LRCH1: variants seen among roughly 807,000 people sequenced by gnomAD.
LRCH1 encodes the protein leucine-rich repeat and calponin homology domain-containing protein 1.
A neutral mutation model predicts 94.9 loss-of-function variants in LRCH1; 23 were observed. That is an observed-to-expected ratio of 0.24 (90% CI 0.17 to 0.34). The LOEUF (loss-of-function observed/expected upper bound fraction) is 0.34. Ranked by LOEUF, LRCH1 falls within the 10% of genes least tolerant of loss-of-function variation. The pLI is 1.00. For missense variants in LRCH1, 790 were observed against 945.9 expected (o/e 0.84, Z 2.16); for synonymous variants, 364 against 354.9 (o/e 1.03, Z -0.29).
intron 2 of LRCH1, among the ~76,000 whole-genome samples, chr13:46,665,761 G>C (rs952865822): frequency 6.6e-6 from 1 of 152,164 alleles, no homozygotes; most frequent in Non-Finnish European, 1.5e-5. Flanking sequence ...TCAGCACAGA[G>C]CCAGTTTATA....
chr13:46,606,679 C>G (rs1056809058), intron 1 of LRCH1, among the ~76,000 whole-genome samples: 11 of 152,200 alleles, frequency 7.2e-5, no homozygotes, highest in African/African-American at 2.7e-4. Context: ...TCAAGCTATT[C>G]TCCCGCCTCA....
chr13:46,650,459 G>A, intron 2 of LRCH1, 114 bp downstream of exon 2: 2 of 793,220 alleles, frequency 2.5e-6, no homozygotes, highest in Non-Finnish European at 3.8e-6. Context: ...CTTTGATGTA[G>A]GTCACACACA....
At chr13:46,554,560 T>C (rs1038058506) in intron 1 of LRCH1, among the ~76,000 whole-genome samples, 1 of 152,238 alleles carries the variant, frequency 6.6e-6, no homozygotes, top group African/African-American at 2.4e-5. Flanking sequence ...GCCCGGCAAG[T>C]TGTAACTCGC....
chr13:46,737,267 A>G (rs747413619), intron 19 of LRCH1, among the ~76,000 whole-genome samples: 28 of 152,250 alleles, frequency 1.8e-4, no homozygotes, highest in Non-Finnish European at 3.7e-4. Context: ...ATTTAAAAAA[A>G]TTTGTTATGA....
chr13:46,573,286 A>C (rs2050260894), intron 1 of LRCH1, among the ~76,000 whole-genome samples: 1 of 152,172 alleles, frequency 6.6e-6, no homozygotes, highest in African/African-American at 2.4e-5. Flanking sequence ...TAAGTGAATA[A>C]ATGGCTGGAT....
intron 2 of LRCH1, among the ~76,000 whole-genome samples, chr13:46,666,666 A>G (rs940522571): frequency 2.0e-5 from 3 of 152,194 alleles, no homozygotes; most frequent in Admixed American, 1.3e-4. Flanking sequence ...TAACATTTTT[A>G]TTTGCCGATC....
chr13:46,603,105 C>G (rs1290410906), intron 1 of LRCH1, among the ~76,000 whole-genome samples: 1 of 151,862 alleles, frequency 6.6e-6, no homozygotes, highest in Non-Finnish European at 1.5e-5. Flanking sequence ...AATTTTGTGC[C>G]TCTTGTGCTT....
intron 1 of LRCH1, among the ~76,000 whole-genome samples, chr13:46,642,263 C>T (rs546219922): frequency 6.6e-6 from 1 of 152,236 alleles, no homozygotes; most frequent in South Asian, 2.1e-4. Flanking sequence ...TTTTCTTCTA[C>T]AAGCTATACC....
intron 1 of LRCH1, among the ~76,000 whole-genome samples, chr13:46,602,833 C>T (rs2050642691): frequency 6.6e-6 from 1 of 152,050 alleles, no homozygotes; most frequent in Non-Finnish European, 1.5e-5. Flanking sequence ...CCTGTAGCCC[C>T]AGCTACTGAA....
intron 11 of LRCH1, among the ~76,000 whole-genome samples, chr13:46,702,018 C>G (rs941424115): frequency 1.3e-5 from 2 of 152,134 alleles, no homozygotes. Flanking sequence ...AGAATAGTGG[C>G]GGATCAGTTT....
chr13:46,626,808 C>T (rs2050956105), intron 1 of LRCH1, among the ~76,000 whole-genome samples: 1 of 152,006 alleles, frequency 6.6e-6, no homozygotes, highest in South Asian at 2.1e-4. Flanking sequence ...AAATATATAG[C>T]CATTGATATT....
At chr13:46,750,859 A>G in exon 19 of LRCH1, 1 of 420,828 alleles carries the variant, frequency 2.4e-6, no homozygotes, top group Non-Finnish European at 4.2e-6. Flanking sequence ...TTTATCTTGA[A>G]ACCAGAGAGG....
At chr13:46,710,881 T>C (rs942092209) in intron 13 of LRCH1, among the ~76,000 whole-genome samples, 4 of 152,016 alleles carry the variant, frequency 2.6e-5, no homozygotes, top group Non-Finnish European at 5.9e-5. Flanking sequence ...GAAACTAGAG[T>C]GTGTCCCTTG....
rs748007268 is a variant in LRCH1, at chr13:46,685,963, T to G, written c.744T>G (p.Ile248Met). 1.2e-6 allele frequency: 2 copies of G among 1,611,330 alleles called. No homozygotes were observed. Among genetic ancestry groups the G allele is most frequent in the African/African-American group, 2.7e-5 (2 of 74,806 alleles). ...TTTCCTGCAACAAAGTGCTCGTGAT[T>G]CCAATTTGTTTTAGAGAGATGAAGC... Reference protein sequence around the residue: ...FDFSCNKVLVIPICFREMKQL... With the variant: ...FDFSCNKVLVMPICFREMKQL... The change falls in exon 5 of 20, where the codon ATT (isoleucine) becomes ATG (methionine). Residue 248 changes from isoleucine (I) to methionine (M), a missense_variant. By Grantham distance (10) the Ile-to-Met change is conservative (BLOSUM62 1). Coordinates refer to ENST00000389797, the MANE Select transcript of LRCH1 (RefSeq NM_001164211.2).
chr13:46,636,180 C>G (rs1327782747), intron 1 of LRCH1, among the ~76,000 whole-genome samples: 1 of 145,744 alleles, frequency 6.9e-6, no homozygotes, highest in East Asian at 2.2e-4. Context: ...AGCGATTCTC[C>G]TACCTCTGCC....
chr13:46,614,741 C>T (rs1333886257), intron 1 of LRCH1, among the ~76,000 whole-genome samples: 1 of 152,056 alleles, frequency 6.6e-6, no homozygotes, highest in East Asian at 1.9e-4. Context: ...GAGCGCCAGA[C>T]TCAGATGAAA....
chr13:46,553,241 C>CCCCAAAAAA lies in LRCH1; in HGVS notation c.-155_-154insCCAAAAAAC. 1 of 571,090 alleles carries CCCCAAAAAA rather than the reference C, an allele frequency of 1.8e-6. No individual in the cohort carries two copies. 35.4% of individuals were successfully genotyped at this position (571,090 alleles called of 1,614,324 possible). On this transcript the variant is annotated 5_prime_UTR_variant, in exon 1 of 20. Coordinates refer to ENST00000389797, the MANE Select transcript of LRCH1 (RefSeq NM_001164211.2). ...CCACGGCCGCCTCCCCGCCCGCCCC[C>CCCCAAAAAA]CATTCTACGCGCCTGCCCACACCCT...
At chr13:46,564,406 T>C (rs2050160410) in intron 1 of LRCH1, among the ~76,000 whole-genome samples, 1 of 152,200 alleles carries the variant, frequency 6.6e-6, no homozygotes, top group Non-Finnish European at 1.5e-5. Flanking sequence ...AGTTCCAACA[T>C]GAAATCCCGA....
downstream of LRCH1, chr13:46,744,957 T>G (rs1873852327): frequency 1.1e-6 from 1 of 938,358 alleles, no homozygotes; most frequent in African/African-American, 1.8e-5. Context: ...GGCTTTTCAC[T>G]GTGACTTTGT....
Sources: gnomAD v4.1 joint callset for allele counts (sites outside exome capture counted in the v4.1 genomes callset) on GRCh38, gnomAD v4.1.1 for gene constraint, MANE v1.5 for transcripts, NCBI Gene and HGNC (gene_info 2026-07-23, HGNC 2026-07-21) for gene names.